The following SNTG2 variants were observed in gnomAD, a reference collection of about 807,000 sequenced individuals.
SNTG2 encodes gamma-2-syntrophin.
SNTG2 carries 74 observed loss-of-function variants against 70.9 expected under a neutral mutation model. The observed-to-expected ratio is 1.04, with a 90% CI of 0.86 to 1.27. SNTG2 has a LOEUF of 1.27. SNTG2 is among the 50% of genes most tolerant of loss of function. The pLI, the probability that SNTG2 is intolerant of heterozygous loss-of-function variation, is 0.00. For synonymous variants in SNTG2, 278 were observed against 273.8 expected (o/e 1.02, Z -0.15); for missense variants, 717 against 690.7 (o/e 1.04, Z -0.43).
At chr2:1,002,138 A>G (rs2147988621) in intron 1 of SNTG2, among the ~76,000 whole-genome samples, 1 of 152,304 alleles carries the variant, frequency 6.6e-6, no homozygotes, top group African/African-American at 2.4e-5. Context: ...ATTTAAATAT[A>G]ACACCTGAAA....
chr2:1,136,206 G>A (rs1668372306), intron 4 of SNTG2, among the ~76,000 whole-genome samples: 1 of 152,062 alleles, frequency 6.6e-6, no homozygotes, highest in Non-Finnish European at 1.5e-5. Context: ...CCCGGCTTGA[G>A]AGTCCATTAT....
At chr2:1,149,661 A>G (rs1395259922) in intron 6 of SNTG2, among the ~76,000 whole-genome samples, 2 of 147,932 alleles carry the variant, frequency 1.4e-5, no homozygotes, top group East Asian at 4.0e-4. Context: ...AGATTGATGA[A>G]GTTGATTAGC....
chr2:1,222,042 T>TGG (rs1433632955), intron 9 of SNTG2, among the ~76,000 whole-genome samples: 1 of 6,978 alleles, frequency 1.4e-4, no homozygotes, highest in Admixed American at 1.3e-3. Flanking sequence ...TCTCTGTCTC[T>TGG]CTCTGTCTCT....
At chr2:1,272,493 G>C (rs67103602) in intron 14 of SNTG2, among the ~76,000 whole-genome samples, 2 of 93,560 alleles carry the variant, frequency 2.1e-5, no homozygotes, top group Admixed American at 1.9e-4. Context: ...AAAGGATTCT[G>C]TTAGGACATC....
chr2:1,227,899 G>A (rs538339202), intron 9 of SNTG2, among the ~76,000 whole-genome samples: 18 of 152,314 alleles, frequency 1.2e-4, no homozygotes, highest in Admixed American at 1.1e-3. Flanking sequence ...CCGCTCTGCT[G>A]GGCAGGTCGG....
chr2:1,203,673 A>ATATAT (rs1553355185), intron 8 of SNTG2, among the ~76,000 whole-genome samples: 108 of 115,518 alleles, frequency 9.3e-4, no homozygotes, highest in African/African-American at 3.0e-3. Context: ...CAAAAAAAAA[A>ATATAT]ATATATATAT....
At chr2:995,798 G>A (rs915964843) in intron 1 of SNTG2, among the ~76,000 whole-genome samples, 11 of 152,096 alleles carry the variant, frequency 7.2e-5, no homozygotes, top group South Asian at 6.2e-4. Flanking sequence ...CTTTCACACC[G>A]CACTTTCTTT....
At chr2:1,274,691 A>G (rs1457165673) in intron 14 of SNTG2, among the ~76,000 whole-genome samples, 4 of 152,108 alleles carry the variant, frequency 2.6e-5, no homozygotes, top group African/African-American at 9.7e-5. Context: ...GCCCTCGATC[A>G]GGACGTTTCT....
At chr2:1,005,265 T>C (rs188169343) in intron 1 of SNTG2, among the ~76,000 whole-genome samples, 21 of 152,274 alleles carry the variant, frequency 1.4e-4, no homozygotes, top group Admixed American at 1.3e-3. Flanking sequence ...ATTATCTGTC[T>C]GTCCAAATCC....
At chr2:1,143,508 G>A (rs1428766940) in intron 6 of SNTG2, among the ~76,000 whole-genome samples, 1 of 151,852 alleles carries the variant, frequency 6.6e-6, no homozygotes. Flanking sequence ...GTTTGAAGAT[G>A]GGGATAAACG....
intron 8 of SNTG2, among the ~76,000 whole-genome samples, chr2:1,197,489 G>GTATATATA (rs1302314056): frequency 7.9e-6 from 1 of 126,694 alleles, no homozygotes; most frequent in African/African-American, 2.8e-5. Flanking sequence ...ATATATATGT[G>GTATATATA]TATGTATATA....
At chr2:1,235,565 C>T (rs111885635) in intron 9 of SNTG2, among the ~76,000 whole-genome samples, 6 of 96,444 alleles carry the variant, frequency 6.2e-5, no homozygotes, top group Non-Finnish European at 1.0e-4. Flanking sequence ...CAGGCACCCC[C>T]GATTCATGAG....
At chr2:1,328,333 G>A (rs541548615) in intron 16 of SNTG2, among the ~76,000 whole-genome samples, 4 of 152,098 alleles carry the variant, frequency 2.6e-5, no homozygotes, top group Admixed American at 6.5e-5. Context: ...TATGACATAC[G>A]TGTACCTGTG....
chr2:1,360,397 C>T (rs895288619), intron 16 of SNTG2, among the ~76,000 whole-genome samples: 13 of 152,162 alleles, frequency 8.5e-5, no homozygotes, highest in African/African-American at 3.1e-4. Flanking sequence ...GGATCACCAG[C>T]CCAGCCTGTT....
chr2:1,070,203 C>A (rs1663439488), intron 1 of SNTG2, among the ~76,000 whole-genome samples: 1 of 152,018 alleles, frequency 6.6e-6, no homozygotes, highest in Non-Finnish European at 1.5e-5. Flanking sequence ...CACCGGAGAC[C>A]CCACCTGACT....
chr2:1,251,703 CCACA>C (rs1677781506), intron 12 of SNTG2, among the ~76,000 whole-genome samples: 1 of 147,970 alleles, frequency 6.8e-6, no homozygotes, highest in African/African-American at 2.5e-5. Context: ...ACCATGCACA[CCACA>C]CACACAACAC....
chr2:982,546 A>C (rs1661140657), intron 1 of SNTG2, among the ~76,000 whole-genome samples: 1 of 152,186 alleles, frequency 6.6e-6, no homozygotes, highest in Admixed American at 6.5e-5. Context: ...GTAGTTAGTA[A>C]TGCACTAATG....
At chr2:997,619 C>T (rs1661731223) in intron 1 of SNTG2, among the ~76,000 whole-genome samples, 1 of 152,108 alleles carries the variant, frequency 6.6e-6, no homozygotes, top group South Asian at 2.1e-4. Context: ...TAGATTGAGA[C>T]CTCCCCATCA....
intron 11 of SNTG2, among the ~76,000 whole-genome samples, chr2:1,244,390 T>C (rs1411703253): frequency 6.6e-6 from 1 of 152,056 alleles, no homozygotes; most frequent in African/African-American, 2.4e-5. Flanking sequence ...TTTTTGTGCT[T>C]GTTGCTGATT....
Sources: allele counts gnomAD v4.1 joint callset (sites outside exome capture counted in the v4.1 genomes callset), GRCh38; gene constraint gnomAD v4.1.1; transcripts MANE v1.5; gene names NCBI Gene and HGNC (gene_info 2026-07-23, HGNC 2026-07-21).